PTPRN2: variants seen among roughly 807,000 people sequenced by gnomAD.
PTPRN2 encodes the protein receptor-type tyrosine-protein phosphatase N2.
Under a neutral mutation model 118.8 loss-of-function variants are expected in PTPRN2, and 74 were observed. The observed-to-expected ratio is 0.62, with a 90% CI of 0.52 to 0.76. The LOEUF (loss-of-function observed/expected upper bound fraction) is 0.76. Among genes scored for constraint, PTPRN2 ranks in the 30% least tolerant of loss-of-function variants. The probability of loss-of-function intolerance (pLI) is 0.00; values close to 1 mark genes in which losing one functional copy is unlikely to be tolerated. For synonymous variants in PTPRN2, 641 were observed against 608.0 expected (o/e 1.05, Z -0.80); for missense variants, 1,481 against 1,394.4 (o/e 1.06, Z -0.99).
rs571801974 is a variant in PTPRN2, at chr7:157,765,872, T to TC, written c.1789-82936dup. Among the ~76,000 whole-genome samples, 228 of 139,000 alleles carry TC rather than the reference T, an allele frequency of 1.6e-3. 1 individual carries two copies. The highest frequency in any genetic ancestry group is 4.7e-3 in the South Asian group (19 of 4,070). The allele number at this position is 139,000 out of a possible 152,430, so 91.2% of individuals were successfully genotyped here. A position where few individuals can be genotyped will look rare whatever the true frequency, so the allele number is the denominator to read the frequency against. Reference sequence around the variant, plus strand: ...ATCCACTCATCCATCCATCCATCCATCATTACTCCATCCATCCATCCATCC... The same window carrying TC: ...ATCCACTCATCCATCCATCCATCCATCCATTACTCCATCCATCCATCCATCC... On this transcript the variant is annotated intron_variant, in intron 12 of 22. Transcript: ENST00000389418.
At chr7:158,245,747 G>A (rs1796205911) in intron 3 of PTPRN2, among the ~76,000 whole-genome samples, 1 of 152,190 alleles carries the variant, frequency 6.6e-6, no homozygotes, top group African/African-American at 2.4e-5. Context: ...ACGTGGCTGT[G>A]TGAACAGGTG....
chr7:158,368,270 G>A (rs1809684355), intron 2 of PTPRN2, among the ~76,000 whole-genome samples: 1 of 152,200 alleles, frequency 6.6e-6, no homozygotes, highest in African/African-American at 2.4e-5. Flanking sequence ...CAGGAGAGAA[G>A]CGGGACCCTG....
intron 9 of PTPRN2, among the ~76,000 whole-genome samples, chr7:158,129,771 C>T (rs898394256): frequency 1.3e-5 from 2 of 152,188 alleles, no homozygotes; most frequent in African/African-American, 4.8e-5. Flanking sequence ...AGACACGCAG[C>T]CTCAGAACAC....
intron 2 of PTPRN2, among the ~76,000 whole-genome samples, chr7:158,389,810 A>G (rs1242432030): frequency 6.6e-6 from 1 of 152,210 alleles, no homozygotes; most frequent in Non-Finnish European, 1.5e-5. Flanking sequence ...GTTCCTGGCC[A>G]CATCTTAGTT....
At chr7:157,673,418 A>G (rs897174250) in intron 13 of PTPRN2, among the ~76,000 whole-genome samples, 1 of 152,216 alleles carries the variant, frequency 6.6e-6, no homozygotes, top group Non-Finnish European at 1.5e-5. Context: ...AGCTGGCTGG[A>G]TGAAGAAGGG....
chr7:158,129,240 AAC>A (rs1463642857), intron 9 of PTPRN2, among the ~76,000 whole-genome samples: 9 of 144,080 alleles, frequency 6.2e-5, no homozygotes, highest in African/African-American at 1.8e-4. Context: ...CACGACACAC[AAC>A]AGACACCCCA....
At chr7:158,564,459 C>G (rs989374005) in intron 1 of PTPRN2, among the ~76,000 whole-genome samples, 2 of 152,230 alleles carry the variant, frequency 1.3e-5, no homozygotes, top group African/African-American at 4.8e-5. Flanking sequence ...CCAGGCACCA[C>G]CCCCATCACC....
Position 158,114,055 on chromosome 7 carries a change from T to G in PTPRN2, c.1557-3140A>C, listed in dbSNP as rs77670967. 5.1e-3 allele frequency among the ~76,000 whole-genome samples: 776 copies of G among 152,268 alleles called. 26 individuals are homozygous for G. In the East Asian group the frequency reaches 0.099, roughly 19 times the overall value. Reference sequence around the variant, plus strand: ...TGGCTGCAACTGGAGCCCAGGACAGTGTATTTAAAATAAAAAAACCAAACC... The same window carrying G: ...TGGCTGCAACTGGAGCCCAGGACAGGGTATTTAAAATAAAAAAACCAAACC... On this transcript the variant is annotated intron_variant, in intron 9 of 22. Transcript: ENST00000389418.
intron 1 of PTPRN2, among the ~76,000 whole-genome samples, chr7:158,515,635 C>T (rs1823497122): frequency 2.6e-5 from 4 of 152,172 alleles, no homozygotes. Flanking sequence ...TCCATGCTCG[C>T]CTTTCTACAT....
chr7:158,005,035 G>C (rs1283687719), intron 11 of PTPRN2, among the ~76,000 whole-genome samples: 1 of 151,276 alleles, frequency 6.6e-6, no homozygotes, highest in African/African-American at 2.4e-5. Flanking sequence ...AATCGGCCTG[G>C]CACCCATGAA....
chr7:158,258,353 C>T (rs922451464), intron 3 of PTPRN2, among the ~76,000 whole-genome samples: 3 of 152,266 alleles, frequency 2.0e-5, no homozygotes, highest in African/African-American at 4.8e-5. Context: ...GTGCGTCTCA[C>T]ACTCTGCTAT....
In PTPRN2 at chr7:157,801,416, T is replaced by G. The variant is rs953741664; in HGVS notation, c.1788+97257A>C. Among the ~76,000 whole-genome samples, 1 of 151,880 alleles carries G rather than the reference T, an allele frequency of 6.6e-6. No homozygotes were observed. Among genetic ancestry groups the G allele is most frequent in the Non-Finnish European group, 1.5e-5 (1 of 67,976 alleles). On this transcript the variant is annotated intron_variant, in intron 12 of 22. Transcript: ENST00000389418. The surrounding 1 kb of genome is among the most constrained non-coding windows in gnomAD (Gnocchi z 4.2). ...ACGGAGAGGCTCTGCATCACGAGAG[T>G]GCTGCGTTAACCCAGGTGCGGGGGA...
chr7:157,707,848 C>T (rs960404020), intron 12 of PTPRN2, among the ~76,000 whole-genome samples: 4 of 152,334 alleles, frequency 2.6e-5, no homozygotes, highest in African/African-American at 7.2e-5. Context: ...CCTTGGCCCC[C>T]AAAGTGCTGG....
intron 12 of PTPRN2, among the ~76,000 whole-genome samples, chr7:157,719,941 G>A (rs1799140138): frequency 1.3e-5 from 2 of 151,398 alleles, no homozygotes; most frequent in South Asian, 4.3e-4. Context: ...CATTATAATA[G>A]TTACTGCTGT....
In PTPRN2 at chr7:157,771,676, CAG is replaced by C. The variant is rs753788970; in HGVS notation, c.1789-88741_1789-88740del. Among the ~76,000 whole-genome samples the C allele has an allele frequency of 3.0e-4, 46 of 151,852 alleles. 2 individuals are homozygous for C. The South Asian group carries it at 6.6e-3, about 22-fold the overall frequency. ...ACACAGTCAGAGACACACAAACACA[CAG>C]ACACACATGCAGACACACAAACACA... is the stretch of plus-strand genomic sequence containing the variant. On this transcript the variant is annotated intron_variant, in intron 12 of 22. Coordinates refer to ENST00000389418, the MANE Select transcript of PTPRN2 (RefSeq NM_002847.5).
intron 3 of PTPRN2, among the ~76,000 whole-genome samples, chr7:158,312,754 C>T (rs190594896): frequency 1.3e-3 from 187 of 147,148 alleles, no homozygotes; most frequent in African/African-American, 4.2e-3. Context: ...CACTCATTCA[C>T]GTGCTCATGT....
chr7:157,987,515 T>C lies in PTPRN2; in HGVS notation c.1724-88778A>G, dbSNP rs937495645. 6.6e-6 allele frequency among the ~76,000 whole-genome samples: 1 copy of C among 152,086 alleles called. No homozygotes were observed. Among genetic ancestry groups the C allele is most frequent in the Non-Finnish European group, 1.5e-5 (1 of 68,018 alleles). ...GACCTGTCAGTCATTATCTCTTGCA[T>C]AAGAGACTTCCCAGGGGCAGAGCAG... is the stretch of plus-strand genomic sequence containing the variant. On this transcript the variant is annotated intron_variant, in intron 11 of 22. Coordinates refer to ENST00000389418, the MANE Select transcript of PTPRN2 (RefSeq NM_002847.5). This position sits in a 1 kb window ranked among gnomAD's most constrained non-coding sequence, Gnocchi z 4.3.
intron 17 of PTPRN2, among the ~76,000 whole-genome samples, chr7:157,594,730 A>C (rs141330822): frequency 2.0e-4 from 30 of 152,306 alleles, no homozygotes; most frequent in Admixed American, 5.9e-4. Context: ...TGCCCTCTGC[A>C]TGTTGCTCTA....
intron 6 of PTPRN2, among the ~76,000 whole-genome samples, chr7:158,140,049 G>T (rs891330708): frequency 6.6e-6 from 1 of 152,154 alleles, no homozygotes; most frequent in African/African-American, 2.4e-5. Flanking sequence ...GCTCCTGAAA[G>T]GGTAAATATG....
Sources: allele counts gnomAD v4.1 joint callset (sites outside exome capture counted in the v4.1 genomes callset), GRCh38; gene constraint gnomAD v4.1.1; non-coding constraint Gnocchi (gnomAD v3.1); transcripts MANE v1.5; gene names NCBI Gene and HGNC (gene_info 2026-07-23, HGNC 2026-07-21).